The following LRP1B variants were observed in gnomAD, a reference collection of about 807,000 sequenced individuals.
LRP1B encodes LDL receptor related protein 1B, also known as low-density lipoprotein receptor-related protein 1B.
Under a neutral mutation model 556.6 loss-of-function variants are expected in LRP1B, and 217 were observed. The ratio of observed to expected loss-of-function variants is 0.39; its 90% confidence interval spans 0.35 to 0.44. The LOEUF is 0.44. LRP1B is among the 20% of genes least tolerant of loss of function. The pLI, the probability that LRP1B is intolerant of heterozygous loss-of-function variation, is 1.00. For synonymous variants in LRP1B, 2,047 were observed against 1,865.8 expected (o/e 1.10, Z -2.50); for missense variants, 5,053 against 5,620.8 (o/e 0.90, Z 3.23).
rs568976275 is a variant in LRP1B at position 141,284,104 on chromosome 2, T to C, written c.344-29463A>G. Reference sequence around the variant, plus strand: ...AAACCTTGAAGTATTTCTGGGAAGTTTGAAAATAAAAATGCACAGTGGTCT... The same window carrying C: ...AAACCTTGAAGTATTTCTGGGAAGTCTGAAAATAAAAATGCACAGTGGTCT... On this transcript the variant is annotated intron_variant, in intron 3 of 90. Coordinates refer to ENST00000389484, the MANE Select transcript of LRP1B (RefSeq NM_018557.3). Among the ~76,000 whole-genome samples the C allele has an allele frequency of 5.9e-5, 9 of 152,184 alleles. No individual in the cohort carries two copies. In the South Asian group the frequency reaches 1.9e-3, roughly 32 times the overall value.
intron 1 of LRP1B, among the ~76,000 whole-genome samples, chr2:142,053,910 T>C (rs1019523259): frequency 1.3e-5 from 2 of 152,116 alleles, no homozygotes; most frequent in African/African-American, 4.8e-5. Context: ...GACAAGAGTA[T>C]ACATAATTGG....
chr2:141,471,868 T>A (rs1248651134), intron 3 of LRP1B, among the ~76,000 whole-genome samples: 1 of 152,212 alleles, frequency 6.6e-6, no homozygotes, highest in East Asian at 1.9e-4. Flanking sequence ...CTCATTATAT[T>A]TTCTACATTC....
At position 141,280,702 on chromosome 2, in the gene LRP1B, C is replaced by T. The variant is rs191511589; in HGVS notation, c.344-26061G>A. On this transcript the variant is annotated intron_variant, in intron 3 of 90. Coordinates refer to ENST00000389484, the MANE Select transcript of LRP1B (RefSeq NM_018557.3). Reference sequence around the variant, plus strand: ...CTAGCAAATTTTATTTTTGTACATTCCTAAATTTTCTAAATTTTGATAATA... The same window carrying T: ...CTAGCAAATTTTATTTTTGTACATTTCTAAATTTTCTAAATTTTGATAATA... Among the ~76,000 whole-genome samples, 642 of 151,842 alleles carry T rather than the reference C, an allele frequency of 4.2e-3. 2 individuals are homozygous for T. Among genetic ancestry groups the T allele is most frequent in the African/African-American group, 0.014 (590 of 41,458 alleles).
intron 3 of LRP1B, among the ~76,000 whole-genome samples, chr2:141,447,488 G>A (rs1681239936): frequency 1.3e-5 from 2 of 152,004 alleles, no homozygotes; most frequent in South Asian, 4.1e-4. Context: ...TGGAGAAGAG[G>A]CGTTCCAGTT....
intron 41 of LRP1B, among the ~76,000 whole-genome samples, chr2:140,660,560 A>T (rs1390599223): frequency 6.6e-6 from 1 of 151,962 alleles, no homozygotes; most frequent in Admixed American, 6.6e-5. Context: ...ATATCTCCCA[A>T]ACTCCCTCTC....
chr2:141,640,227 G>A (rs6429916), intron 2 of LRP1B, among the ~76,000 whole-genome samples: 84,676 of 151,872 alleles, frequency 0.56, 23,972 homozygotes, highest in African/African-American at 0.66. Context: ...ATAATTACTC[G>A]TAAAACTATC....
chr2:141,250,435 G>A (rs1684218728), intron 4 of LRP1B, among the ~76,000 whole-genome samples: 1 of 152,182 alleles, frequency 6.6e-6, no homozygotes, highest in Non-Finnish European at 1.5e-5. Context: ...CCATTTTGGT[G>A]AAGACATTGA....
At chr2:140,752,660 T>C (rs933245368) in intron 35 of LRP1B, among the ~76,000 whole-genome samples, 1 of 152,250 alleles carries the variant, frequency 6.6e-6, no homozygotes, top group African/African-American at 2.4e-5. Context: ...TCTTTATATA[T>C]GTATTTGTTT....
At chr2:140,681,622 A>C (rs1685862031) in intron 41 of LRP1B, among the ~76,000 whole-genome samples, 1 of 152,126 alleles carries the variant, frequency 6.6e-6, no homozygotes, top group Non-Finnish European at 1.5e-5. Flanking sequence ...TAAGAATAAA[A>C]ATGATAATTT....
chr2:140,871,362 T>C (rs941921600), intron 25 of LRP1B, among the ~76,000 whole-genome samples: 8 of 106,342 alleles, frequency 7.5e-5, no homozygotes, highest in South Asian at 2.5e-4. Flanking sequence ...AGAGAATAAA[T>C]ATTTTTTAAA....
At chr2:140,286,683 A>G in intron 84 of LRP1B, among the ~76,000 whole-genome samples, 1 of 151,914 alleles carries the variant, frequency 6.6e-6, no homozygotes, top group Non-Finnish European at 1.5e-5. Flanking sequence ...AGTTCATTCT[A>G]AATTCATGTA....
chr2:141,689,620 C>T (rs1259515371), intron 2 of LRP1B, among the ~76,000 whole-genome samples: 1 of 151,614 alleles, frequency 6.6e-6, no homozygotes, highest in Non-Finnish European at 1.5e-5. Flanking sequence ...CTTTAAAAGC[C>T]AAATTTAATC....
At chr2:141,146,069 T>G (rs72976042) in intron 7 of LRP1B, among the ~76,000 whole-genome samples, 5,400 of 151,446 alleles carry the variant, frequency 0.036, 298 homozygotes, top group African/African-American at 0.12. Context: ...GGCTTACAGG[T>G]GTATGCCACC....
At chr2:142,086,637 A>G (rs1242633672) in intron 1 of LRP1B, among the ~76,000 whole-genome samples, 3 of 23,162 alleles carry the variant, frequency 1.3e-4, no homozygotes, top group African/African-American at 3.0e-4. Flanking sequence ...ACAAACAAAC[A>G]AACAAAAAAA....
At chr2:141,706,961 T>G (rs771683685) in intron 2 of LRP1B, among the ~76,000 whole-genome samples, 2 of 152,126 alleles carry the variant, frequency 1.3e-5, no homozygotes. Context: ...GTATATACTG[T>G]ACATTATTTC....
chr2:140,843,721 G>C (rs1387971326), intron 29 of LRP1B, among the ~76,000 whole-genome samples: 1 of 152,066 alleles, frequency 6.6e-6, no homozygotes, highest in Admixed American at 6.6e-5. Flanking sequence ...ACCTAATCAT[G>C]TCTCTTGTGT....
In LRP1B at chr2:140,881,029, A is replaced by T. The variant is rs186045033; in HGVS notation, c.4169+2788T>A. 7.0e-4 allele frequency among the ~76,000 whole-genome samples: 107 copies of T among 152,260 alleles called. 2 individuals carry two copies. The East Asian group carries it at 0.02, about 28-fold the overall frequency. The stretch of plus-strand genomic sequence containing the variant: ...TTTATATAAATCATATTTCTCAATA[A>T]TTAGTGAATTTTATCTAAAATTAAA... On this transcript the variant is annotated intron_variant, in intron 25 of 90. Transcript: ENST00000389484.
At chr2:141,159,923 A>AT (rs1200995054) in intron 7 of LRP1B, among the ~76,000 whole-genome samples, 1 of 152,096 alleles carries the variant, frequency 6.6e-6, no homozygotes, top group East Asian at 1.9e-4. Context: ...GTTCTCACTT[A>AT]TAAGTGGGAA....
At position 141,323,972 on chromosome 2, in the gene LRP1B, A is replaced by G. The variant is rs1687342104; in HGVS notation, c.344-69331T>C. Among the ~76,000 whole-genome samples the G allele has an allele frequency of 2.0e-5, 3 of 147,882 alleles. No homozygotes were observed. In the Admixed American group the frequency reaches 2.0e-4, roughly 10 times the overall value. On this transcript the variant is annotated intron_variant, in intron 3 of 90. Coordinates refer to ENST00000389484, the MANE Select transcript of LRP1B (RefSeq NM_018557.3). Reference sequence around the variant, plus strand: ...AAGGAAACCACACACACATACATGTACTCACATACCTGAGCAAGGAAATCA... The same window carrying G: ...AAGGAAACCACACACACATACATGTGCTCACATACCTGAGCAAGGAAATCA...
Sources: allele counts gnomAD v4.1 joint callset (sites outside exome capture counted in the v4.1 genomes callset), GRCh38; gene constraint gnomAD v4.1.1; transcripts MANE v1.5; gene names NCBI Gene and HGNC (gene_info 2026-07-23, HGNC 2026-07-21).